The following STX18 variants were observed in gnomAD, a reference collection of about 807,000 sequenced individuals.
The protein encoded by STX18 is syntaxin 18, also known as syntaxin-18.
STX18 carries 40 observed loss-of-function variants against 50.1 expected under a neutral mutation model. The observed-to-expected ratio is 0.80, with a 90% confidence interval of 0.62 to 1.04. The LOEUF (loss-of-function observed/expected upper bound fraction) is 1.04. STX18 is among the 50% of genes least tolerant of loss of function. The probability of loss-of-function intolerance (pLI) is 0.00; values close to 1 mark genes in which losing one functional copy is unlikely to be tolerated. For synonymous variants in STX18, 158 were observed against 151.8 expected, an observed-to-expected ratio of 1.04 and a Z score of -0.30; for missense variants, 410 against 415.8, an observed-to-expected ratio of 0.99 and a Z score of 0.12.
rs1724840114 is a variant in STX18 at position 4,419,967 on chromosome 4, A to C, written c.*67T>G. On this transcript the variant is annotated 3_prime_UTR_variant, in exon 11 of 11. Transcript: ENST00000306200. Reference sequence around the variant, plus strand: ...GGTCATACCATGCTCCAGCACTGGAAGTACATGAAAGCACGCAGTCTGTGA... The same window carrying C: ...GGTCATACCATGCTCCAGCACTGGACGTACATGAAAGCACGCAGTCTGTGA... 5.3e-6 allele frequency: 7 copies of C among 1,321,548 alleles called. No individual in the cohort carries two copies. Among genetic ancestry groups the C allele is most frequent in the Non-Finnish European group, 7.5e-6 (7 of 938,264 alleles). The allele number at this position is 1,321,548 out of a possible 1,614,324, so 81.9% of individuals were successfully genotyped here. A position where few individuals can be genotyped will look rare whatever the true frequency, so the allele number is the denominator to read the frequency against.
intron 1 of STX18, among the ~76,000 whole-genome samples, chr4:4,492,594 C>T (rs1324819224): frequency 6.6e-6 from 1 of 152,102 alleles, no homozygotes; most frequent in African/African-American, 2.4e-5. Flanking sequence ...TATTTTTCAG[C>T]GTGCCTTAGT....
At chr4:4,503,917 T>C (rs1729575455) in intron 1 of STX18, among the ~76,000 whole-genome samples, 1 of 152,198 alleles carries the variant, frequency 6.6e-6, no homozygotes, top group South Asian at 2.1e-4. Flanking sequence ...CTATATCCTT[T>C]GCAATTATTT....
intron 1 of STX18, among the ~76,000 whole-genome samples, chr4:4,539,066 C>A (rs1446203341): frequency 6.6e-6 from 1 of 152,070 alleles, no homozygotes; most frequent in Non-Finnish European, 1.5e-5. Context: ...GTAGGGACTG[C>A]AATAAAATTG....
At chr4:4,510,828 A>G (rs888730540) in intron 1 of STX18, among the ~76,000 whole-genome samples, 1 of 152,252 alleles carries the variant, frequency 6.6e-6, no homozygotes, top group Non-Finnish European at 1.5e-5. Context: ...CAACCATAAA[A>G]AAGAATGAGA....
At position 4,438,377 on chromosome 4, in the gene STX18, T is replaced by C; in HGVS notation, c.613+17A>G. 2 of 1,565,662 alleles carry C rather than the reference T, an allele frequency of 1.3e-6. No homozygotes were observed. Among genetic ancestry groups the C allele is most frequent in the Non-Finnish European group, 8.8e-7 (1 of 1,138,934 alleles). ...CAAGGAAGAAATGCAAGGTGAGATT[T>C]TCATCTCAATTCGTACCTGGACGTT... On this transcript the variant is annotated intron_variant, in intron 6 of 10. Transcript: ENST00000306200.
intron 1 of STX18, among the ~76,000 whole-genome samples, chr4:4,513,919 C>T (rs1730120534): frequency 6.6e-6 from 1 of 152,188 alleles, no homozygotes; most frequent in Non-Finnish European, 1.5e-5. Context: ...AACCTGAGGG[C>T]AGGGGTGTGA....
rs150583635 is a variant in STX18, at chr4:4,472,860, T to C, written c.169-1154A>G. On this transcript the variant is annotated intron_variant, in intron 1 of 10. Transcript: ENST00000306200. Reference sequence around the variant, plus strand: ...CATGGTTTGTCTGGAGATATGTCAGTTTGGGTTCAGCTAAATTTCCCACAT... The same window carrying C: ...CATGGTTTGTCTGGAGATATGTCAGCTTGGGTTCAGCTAAATTTCCCACAT... Among the ~76,000 whole-genome samples the C allele has an allele frequency of 2.0e-3, 300 of 152,306 alleles. 4 individuals are homozygous for C. Among genetic ancestry groups the C allele is most frequent in the East Asian group, 0.012 (60 of 5,192 alleles).
rs752182312 is a variant in STX18 at position 4,541,815 on chromosome 4, G to T, written c.150C>A (p.Ser50=). 3 of 1,610,098 alleles carry T rather than the reference G, an allele frequency of 1.9e-6. No homozygotes were observed. The Admixed American group carries it at 5.0e-5, about 27-fold the overall frequency. Reference sequence around the variant, plus strand: ...AGCTCACCACTTCGCGGGCCCGGCTGGAGAAGTCGCCCTTGGGCCGGGGGC... The same window carrying T: ...AGCTCACCACTTCGCGGGCCCGGCTTGAGAAGTCGCCCTTGGGCCGGGGGC... The part of the protein sequence containing the change: ...RRSPRPKGDF[S]SRAREVISHI... Residue 50 remains serine (S), a synonymous_variant, in exon 1 of 11, where the codon TCC becomes TCA. Coordinates refer to ENST00000306200, the MANE Select transcript of STX18 (RefSeq NM_016930.4).
At chr4:4,447,570 G>A (rs1272595851) in intron 5 of STX18, among the ~76,000 whole-genome samples, 4 of 113,798 alleles carry the variant, frequency 3.5e-5, no homozygotes, top group Admixed American at 1.1e-4. Flanking sequence ...CAGCCTGGGC[G>A]ACAGAGCGAG....
intron 1 of STX18, among the ~76,000 whole-genome samples, chr4:4,536,807 A>C (rs1424637944): frequency 2.0e-5 from 3 of 152,258 alleles, no homozygotes; most frequent in Non-Finnish European, 2.9e-5. Context: ...AGAATGTATT[A>C]TCAAGAACAA....
At chr4:4,473,631 G>C (rs1728034641) in intron 1 of STX18, among the ~76,000 whole-genome samples, 1 of 152,090 alleles carries the variant, frequency 6.6e-6, no homozygotes, top group African/African-American at 2.4e-5. Context: ...AAAAAATTAA[G>C]AGATACGCAA....
chr4:4,519,739 C>T (rs1344040631), intron 1 of STX18, among the ~76,000 whole-genome samples: 1 of 152,108 alleles, frequency 6.6e-6, no homozygotes, highest in Non-Finnish European at 1.5e-5. Context: ...TTCTGTTTCC[C>T]CATGGTAGAA....
intron 1 of STX18, among the ~76,000 whole-genome samples, chr4:4,485,652 T>A (rs1374442208): frequency 6.6e-6 from 1 of 152,034 alleles, no homozygotes. Context: ...GCAAGCCCCA[T>A]CTCACCCTCA....
intron 1 of STX18, among the ~76,000 whole-genome samples, chr4:4,516,688 A>G (rs1730283038): frequency 6.6e-6 from 1 of 152,202 alleles, no homozygotes; most frequent in Admixed American, 6.5e-5. Flanking sequence ...TACATTCTTG[A>G]CTAACGTGCT....
Position 4,420,854 on chromosome 4 carries a change from C to G in STX18, c.912+10G>C, listed in dbSNP as rs1488803189. 3 of 1,613,814 alleles carry G rather than the reference C, an allele frequency of 1.9e-6. No homozygotes were observed. Among genetic ancestry groups the G allele is most frequent in the Non-Finnish European group, 2.5e-6 (3 of 1,179,724 alleles). ...CCACGTCGCACCTGGGGAACCTAAA[C>G]AGTGCCTACCTCTCTTATGTCTTCG... On this transcript the variant is annotated intron_variant, in intron 10 of 10. Transcript: ENST00000306200. This position sits in a 1 kb window ranked among gnomAD's most constrained non-coding sequence, Gnocchi z 4.3.
At chr4:4,516,413 G>A (rs955685205) in intron 1 of STX18, among the ~76,000 whole-genome samples, 2 of 152,118 alleles carry the variant, frequency 1.3e-5, no homozygotes, top group Non-Finnish European at 2.9e-5. Flanking sequence ...GTGCATGTAG[G>A]TTAATTGCTA....
chr4:4,519,076 T>A (rs2369117), intron 1 of STX18, among the ~76,000 whole-genome samples: 23,954 of 152,060 alleles, frequency 0.16, 1,938 homozygotes, highest in Non-Finnish European at 0.18. Flanking sequence ...ACAGAGACAA[T>A]AAAATATCAT....
chr4:4,501,373 G>A (rs755596418), intron 1 of STX18, among the ~76,000 whole-genome samples: 55 of 152,168 alleles, frequency 3.6e-4, no homozygotes, highest in Non-Finnish European at 2.2e-4. Flanking sequence ...GACCATTGCT[G>A]CCACCTCTCT....
chr4:4,419,891 CGTCT>C lies in STX18; in HGVS notation c.*139_*142del. On this transcript the variant is annotated 3_prime_UTR_variant, in exon 11 of 11. Transcript: ENST00000306200. ...CTGGGGTATCCCTTTTTGGGGAATA[CGTCT>C]GTCTGTCTGAACTCCTTTCCCTTCA... 1.3e-5 allele frequency: 9 copies of C among 695,508 alleles called. No individual in the cohort carries two copies. Among genetic ancestry groups the C allele is most frequent in the South Asian group, 1.1e-4 (6 of 54,250 alleles). The allele number at this position is 695,508 out of a possible 1,614,324, so 43.1% of individuals were successfully genotyped here.
Sources: gnomAD v4.1 joint callset for allele counts (sites outside exome capture counted in the v4.1 genomes callset) on GRCh38, gnomAD v4.1.1 for gene constraint, Gnocchi (gnomAD v3.1) non-coding constraint, MANE v1.5 for transcripts, NCBI Gene and HGNC (gene_info 2026-07-23, HGNC 2026-07-21) for gene names.